The following TRPM3 variants were observed in gnomAD, a reference collection of about 807,000 sequenced individuals.
The protein encoded by TRPM3 is transient receptor potential cation channel subfamily M member 3, also known as long transient receptor potential channel 3.
Under a neutral mutation model 181.2 loss-of-function variants are expected in TRPM3, and 77 were observed. The observed-to-expected ratio is 0.42, with a 90% CI of 0.35 to 0.51. TRPM3 has a LOEUF of 0.51. Among genes scored for constraint, TRPM3 ranks in the 20% least tolerant of loss-of-function variants. The pLI, the probability that TRPM3 is intolerant of heterozygous loss-of-function variation, is 0.01. For missense variants in TRPM3, 1,759 were observed against 2,196.7 expected, an observed-to-expected ratio of 0.80 and a Z score of 3.98; for synonymous variants, 745 against 796.4, an observed-to-expected ratio of 0.94 and a Z score of 1.09.
chr9:70,792,436 T>C (rs781756672), intron 6 of TRPM3, among the ~76,000 whole-genome samples: 7 of 141,616 alleles, frequency 4.9e-5, no homozygotes, highest in Non-Finnish European at 7.7e-5. Flanking sequence ...GGGAAGGAAG[T>C]GGTATGGGGG....
At chr9:70,926,787 A>G (rs1005167924) in intron 1 of TRPM3, among the ~76,000 whole-genome samples, 1 of 152,212 alleles carries the variant, frequency 6.6e-6, no homozygotes, top group Admixed American at 6.5e-5. Flanking sequence ...TCTCAGAGCT[A>G]CATGTGCTCA....
At chr9:70,999,904 T>G (rs2097581383) in intron 1 of TRPM3, among the ~76,000 whole-genome samples, 1 of 152,188 alleles carries the variant, frequency 6.6e-6, no homozygotes, top group Non-Finnish European at 1.5e-5. Context: ...GGGGAAAGTG[T>G]GCTCTTTTTC....
intron 1 of TRPM3, among the ~76,000 whole-genome samples, chr9:71,133,881 T>C (rs2074541861): frequency 6.6e-6 from 1 of 152,196 alleles, no homozygotes; most frequent in Non-Finnish European, 1.5e-5. Flanking sequence ...ATAAGTGTTC[T>C]ATGGTTAGTA....
At chr9:71,351,870 G>GTTTTTTTTTTTTTTTTTTTTTTTATT (rs1398031517) in intron 1 of TRPM3, among the ~76,000 whole-genome samples, 1 of 95,660 alleles carries the variant, frequency 1.0e-5, no homozygotes, top group Non-Finnish European at 2.1e-5. Context: ...TTGTTTGTTT[G>GTTTTTTTTTTTTTTTTTTTTTTTATT]TTTTTGTTTT....
intron 1 of TRPM3, among the ~76,000 whole-genome samples, chr9:71,297,745 A>G (rs542879673): frequency 6.6e-6 from 1 of 152,260 alleles, no homozygotes; most frequent in South Asian, 2.1e-4. Flanking sequence ...ATAGAAAATG[A>G]AGCACCAAGT....
At chr9:71,380,941 A>C (rs2092785635) in intron 1 of TRPM3, among the ~76,000 whole-genome samples, 1 of 152,074 alleles carries the variant, frequency 6.6e-6, no homozygotes, top group South Asian at 2.1e-4. Context: ...AGACGACGAC[A>C]AAATGAAGAC....
At chr9:70,812,519 G>C (rs2092217085) in intron 6 of TRPM3, among the ~76,000 whole-genome samples, 1 of 152,176 alleles carries the variant, frequency 6.6e-6, no homozygotes, top group African/African-American at 2.4e-5. Flanking sequence ...ATTTTCCAGA[G>C]AGTTCCTAAT....
intron 1 of TRPM3, among the ~76,000 whole-genome samples, chr9:71,341,739 T>A (rs1021060669): frequency 1.3e-5 from 2 of 151,752 alleles, no homozygotes; most frequent in Admixed American, 1.3e-4. Context: ...TAATAGTACA[T>A]ACCAATGTTA....
intron 1 of TRPM3, among the ~76,000 whole-genome samples, chr9:70,960,570 T>A (rs146150177): frequency 1.9e-4 from 29 of 152,318 alleles, no homozygotes; most frequent in African/African-American, 6.3e-4. Context: ...TAAAGAGCGA[T>A]GTTGTAGCAG....
chr9:70,693,157 C>T (rs967103117), intron 8 of TRPM3, among the ~76,000 whole-genome samples: 3 of 152,182 alleles, frequency 2.0e-5, no homozygotes, highest in African/African-American at 4.8e-5. Flanking sequence ...GTCGTCTACT[C>T]TTCCCTGCTT....
chr9:70,979,310 T>C lies in TRPM3; in HGVS notation c.178-114799A>G, dbSNP rs577238706. Among the ~76,000 whole-genome samples the C allele has an allele frequency of 2.0e-4, 30 of 152,318 alleles. No homozygotes were observed. The South Asian group carries it at 6.2e-3, about 32-fold the overall frequency. On this transcript the variant is annotated intron_variant, in intron 1 of 25. Transcript: ENST00000677713. ...ATCAGATATTTATTGTTTGCCTATATGTGACACAGACATGGGAAAAGTGGA... is the reference window on the plus strand; with the variant it reads ...ATCAGATATTTATTGTTTGCCTATACGTGACACAGACATGGGAAAAGTGGA...
At chr9:70,856,539 T>G (rs1183138009) in intron 3 of TRPM3, among the ~76,000 whole-genome samples, 1 of 152,160 alleles carries the variant, frequency 6.6e-6, no homozygotes, top group African/African-American at 2.4e-5. Flanking sequence ...TCCTAAAGGA[T>G]ATTAAGAGCA....
At chr9:71,191,495 G>GT (rs2078018017) in intron 1 of TRPM3, among the ~76,000 whole-genome samples, 1 of 151,514 alleles carries the variant, frequency 6.6e-6, no homozygotes, top group Non-Finnish European at 1.5e-5. Flanking sequence ...CAACACTTAT[G>GT]TATTTGTCGT....
chr9:70,559,514 G>C (rs2048541235), intron 22 of TRPM3, among the ~76,000 whole-genome samples: 1 of 152,170 alleles, frequency 6.6e-6, no homozygotes, highest in African/African-American at 2.4e-5. Flanking sequence ...AGATGCTGTT[G>C]TGTAAATCTC....
intron 1 of TRPM3, among the ~76,000 whole-genome samples, chr9:70,982,369 A>G (rs1252362212): frequency 6.6e-6 from 1 of 152,218 alleles, no homozygotes; most frequent in Non-Finnish European, 1.5e-5. Flanking sequence ...AAAGCTTTTT[A>G]AAGGGACCCT....
chr9:71,342,872 G>A (rs951813374), intron 1 of TRPM3, among the ~76,000 whole-genome samples: 1 of 152,022 alleles, frequency 6.6e-6, no homozygotes, highest in Non-Finnish European at 1.5e-5. Context: ...CTGTATAATG[G>A]TTTACTATTC....
At chr9:71,047,241 C>T (rs1276913166) in intron 1 of TRPM3, among the ~76,000 whole-genome samples, 1 of 152,122 alleles carries the variant, frequency 6.6e-6, no homozygotes, top group Non-Finnish European at 1.5e-5. Flanking sequence ...ATTATTACCA[C>T]TAGAGATTAT....
intron 8 of TRPM3, among the ~76,000 whole-genome samples, chr9:70,693,952 A>G (rs951949548): frequency 5.3e-5 from 8 of 152,256 alleles, no homozygotes; most frequent in African/African-American, 1.9e-4. Context: ...GAAGAACACT[A>G]GAGACCAACA....
At chr9:70,860,503 C>T (rs766221057) in intron 3 of TRPM3, among the ~76,000 whole-genome samples, 1 of 152,090 alleles carries the variant, frequency 6.6e-6, no homozygotes, top group Non-Finnish European at 1.5e-5. Context: ...CCTCATTTTA[C>T]AAGTGAGGAA....
Sources: allele counts gnomAD v4.1 joint callset (sites outside exome capture counted in the v4.1 genomes callset), GRCh38; gene constraint gnomAD v4.1.1; transcripts MANE v1.5; gene names NCBI Gene and HGNC (gene_info 2026-07-23, HGNC 2026-07-21).